MRPS5: variants seen among roughly 807,000 people sequenced by gnomAD.
MRPS5 encodes mitochondrial ribosomal protein S5.
In MRPS5, 27 loss-of-function variants were observed where a neutral mutation model predicts 51.9. The observed-to-expected ratio is 0.52, with a 90% CI of 0.38 to 0.72. The LOEUF is 0.72. Among genes scored for constraint, MRPS5 ranks in the 30% least tolerant of loss-of-function variants. The pLI, the probability that MRPS5 is intolerant of heterozygous loss-of-function variation, is 0.00. For synonymous variants in MRPS5, 196 were observed against 193.2 expected (o/e 1.01, Z -0.12); for missense variants, 570 against 545.7 (o/e 1.04, Z -0.44).
At chr2:95,104,589 C>A in intron 7 of MRPS5, 51 bp downstream of exon 7, 5 of 1,583,892 alleles carry the variant, frequency 3.2e-6, no homozygotes, top group Non-Finnish European at 3.5e-6. Context: ...GCCCGTGCCA[C>A]GCCTTTCCCT....
At position 95,114,994 on chromosome 2, in the gene MRPS5, G is replaced by A. The variant is rs1676243012; in HGVS notation, c.277+72C>T. 2.2e-6 allele frequency: 3 copies of A among 1,344,326 alleles called. No homozygotes were observed. In the South Asian group the frequency reaches 5.3e-5, roughly 24 times the overall value. 83.3% of individuals were successfully genotyped at this position (1,344,326 alleles called of 1,614,324 possible). A position where few individuals can be genotyped will look rare whatever the true frequency, so the allele number is the denominator to read the frequency against. ...CTAAAATCTTAATTCATGTAAAAAA[G>A]AAGAAAAATTCAGATATAAGAAATC... is the stretch of plus-strand genomic sequence containing the variant. On this transcript the variant is annotated intron_variant, in intron 3 of 11. Coordinates refer to ENST00000272418, the MANE Select transcript of MRPS5 (RefSeq NM_031902.5).
At chr2:95,106,676 C>A in intron 5 of MRPS5, 1 of 578,312 alleles carries the variant, frequency 1.7e-6, no homozygotes, top group Non-Finnish European at 3.1e-6. Flanking sequence ...CACCTGCACC[C>A]TCCTCCCCAT....
Position 95,106,472 on chromosome 2 carries a change from G to T in MRPS5, c.638-15C>A. On this transcript the variant is annotated splice_polypyrimidine_tract_variant and intron_variant, in intron 5 of 11. Coordinates refer to ENST00000272418, the MANE Select transcript of MRPS5 (RefSeq NM_031902.5). ...CTCATATGTTTCTGTAGGGAGAAAAGAAACAGGGATACAGATGAAATGTGT... is the reference window on the plus strand; with the variant it reads ...CTCATATGTTTCTGTAGGGAGAAAATAAACAGGGATACAGATGAAATGTGT... The T allele has an allele frequency of 6.3e-7, 1 of 1,597,776 alleles. No individual in the cohort carries two copies. The highest frequency in any genetic ancestry group is 1.3e-5 in the African/African-American group (1 of 74,428).
At chr2:95,102,592 G>A (rs1675835819) in intron 7 of MRPS5, among the ~76,000 whole-genome samples, 2 of 152,100 alleles carry the variant, frequency 1.3e-5, no homozygotes, top group African/African-American at 4.8e-5. Context: ...AGCTCAGAGA[G>A]TTGAGACTGC....
intron 5 of MRPS5, among the ~76,000 whole-genome samples, chr2:95,107,349 A>C (rs951170444): frequency 1.8e-4 from 27 of 152,042 alleles, no homozygotes; most frequent in African/African-American, 6.5e-4. Flanking sequence ...GCCACATCAC[A>C]CAACACCCCC....
At chr2:95,101,000 C>A (rs996056669) in intron 8 of MRPS5, 106 bp from the exon 9 acceptor site, 4 of 973,036 alleles carry the variant, frequency 4.1e-6, no homozygotes. Flanking sequence ...AATTCACTTA[C>A]GCAAAAAGGT....
intron 2 of MRPS5, 92 bp from the exon 3 acceptor site, chr2:95,115,295 G>T: frequency 8.3e-7 from 1 of 1,207,716 alleles, no homozygotes; most frequent in Non-Finnish European, 1.1e-6. Context: ...ACAAAAATAA[G>T]TCACTAAAAT....
rs773153977 is a variant in MRPS5, at chr2:95,100,429, T to C, written c.931+45A>G. ...AGAGGAGAGGATAGAACTGTTATAA[T>C]TTCTCTGCTTTATCATCAACAAATG... On this transcript the variant is annotated intron_variant, in intron 10 of 11. Coordinates refer to ENST00000272418, the MANE Select transcript of MRPS5 (RefSeq NM_031902.5). 8.5e-6 allele frequency: 12 copies of C among 1,415,998 alleles called. No homozygotes were observed. The South Asian group carries it at 9.4e-5, about 11-fold the overall frequency. The allele number at this position is 1,415,998 out of a possible 1,614,324, so 87.7% of individuals were successfully genotyped here.
chr2:95,101,704 A>G lies in MRPS5; in HGVS notation c.783T>C (p.Ala261=), dbSNP rs1314891940. 5.6e-6 allele frequency: 9 copies of G among 1,600,394 alleles called. No individual in the cohort carries two copies. The highest frequency in any genetic ancestry group is 7.6e-6 in the Non-Finnish European group (9 of 1,176,622). Residue 261 remains alanine (A), a synonymous_variant, in exon 8 of 12, where the codon GCT becomes GCC. Coordinates refer to ENST00000272418, the MANE Select transcript of MRPS5 (RefSeq NM_031902.5). The part of the protein sequence containing the change: ...KGAAGFSIGK[A]TDRMDAFRKA... ...TCCTGAAAGCATCCATCCGATCAGT[A>G]GCTTTCCCAATAGAAAAACCTTTAA...
intron 11 of MRPS5, 37 bp from the exon 12 acceptor site, chr2:95,087,618 A>C: frequency 6.4e-7 from 1 of 1,566,150 alleles, no homozygotes; most frequent in Non-Finnish European, 8.7e-7. Context: ...TTAGGTCTGA[A>C]GTACATTTGC....
At chr2:95,088,983 C>T (rs1412580474) in intron 11 of MRPS5, among the ~76,000 whole-genome samples, 1 of 152,176 alleles carries the variant, frequency 6.6e-6, no homozygotes, top group African/African-American at 2.4e-5. Context: ...AGGAGAATCG[C>T]TTGAACCCGT....
intron 10 of MRPS5, among the ~76,000 whole-genome samples, chr2:95,099,180 A>AG (rs971570885): frequency 1.3e-5 from 2 of 151,666 alleles, no homozygotes; most frequent in African/African-American, 4.8e-5. Context: ...AGCCTCTCAA[A>AG]GTGCTGGTAT....
chr2:95,101,833 C>T, intron 7 of MRPS5, 110 bp from the exon 8 acceptor site: 1 of 688,406 alleles, frequency 1.5e-6, no homozygotes, highest in Non-Finnish European at 2.5e-6. Context: ...TTCATCTTTC[C>T]ACCACCCACA....
chr2:95,088,581 A>G (rs910572462), intron 11 of MRPS5, among the ~76,000 whole-genome samples: 6 of 152,254 alleles, frequency 3.9e-5, no homozygotes, highest in African/African-American at 1.4e-4. Context: ...GAGCCATTTC[A>G]TAAACAAAAT....
At chr2:95,104,755 T>C (rs1675902014) in intron 6 of MRPS5, 25 bp from the exon 7 acceptor site, 2 of 1,607,884 alleles carry the variant, frequency 1.2e-6, no homozygotes, top group Non-Finnish European at 1.7e-6. Context: ...GTCTCATAAA[T>C]ATTGCACATT....
chr2:95,104,239 T>G (rs1365167769), intron 7 of MRPS5: 2 of 175,612 alleles, frequency 1.1e-5, no homozygotes, highest in African/African-American at 4.8e-5. Flanking sequence ...GTGTTTTTTT[T>G]TTTAACTTAG....
At position 95,117,936 on chromosome 2, in the gene MRPS5, A is replaced by C; in HGVS notation, c.68T>G (p.Leu23Trp). The change falls in exon 2 of 12, where the codon TTG (leucine) becomes TGG (tryptophan). Residue 23 changes from leucine to tryptophan, a missense_variant. By Grantham distance (61) the Leu-to-Trp change is moderately conservative (BLOSUM62 -2). Transcript: ENST00000272418. ...GGTGTTTAGGGAACACTGCCTCCCC[A>C]ATAAATGACCTGCAAATTGGAAAAA... ...VLCSGTAGHL[L>W]GRQCSLNTLP... 6.3e-7 allele frequency: 1 copy of C among 1,596,788 alleles called. No homozygotes were observed. The highest frequency in any genetic ancestry group is 1.1e-5 in the South Asian group (1 of 87,158).
Position 95,097,014 on chromosome 2 carries a change from C to A in MRPS5, c.931+3460G>T, listed in dbSNP as rs1306545278. Among the ~76,000 whole-genome samples, 7 of 152,080 alleles carry A rather than the reference C, an allele frequency of 4.6e-5. No individual in the cohort carries two copies. In the East Asian group the frequency reaches 1.3e-3, roughly 29 times the overall value. ...AGTCTCAGGATACAAAATCAATGTG[C>A]AAAAATCACAAGCATTCTTATACAC... On this transcript the variant is annotated intron_variant, in intron 10 of 11. Transcript: ENST00000272418.
At chr2:95,090,568 C>T (rs1187846792) in intron 10 of MRPS5, 46 bp from the exon 11 acceptor site, 5 of 1,610,464 alleles carry the variant, frequency 3.1e-6, no homozygotes, top group Non-Finnish European at 4.2e-6. Flanking sequence ...TCGCCTGCAG[C>T]CGGAGGAGTC....
Sources: allele counts gnomAD v4.1 joint callset (sites outside exome capture counted in the v4.1 genomes callset), GRCh38; gene constraint gnomAD v4.1.1; transcripts MANE v1.5; gene names NCBI Gene and HGNC (gene_info 2026-07-23, HGNC 2026-07-21).